The following PLXNC1 variants were observed in gnomAD, a reference collection of about 807,000 sequenced individuals.
PLXNC1 encodes plexin C1.
PLXNC1 carries 75 observed loss-of-function variants against 178.2 expected under a neutral mutation model. That is an observed-to-expected ratio of 0.42 (90% CI 0.35 to 0.51). The LOEUF (loss-of-function observed/expected upper bound fraction) is 0.51. Ranked by LOEUF, PLXNC1 falls within the 20% of genes least tolerant of loss-of-function variation. PLXNC1 has a pLI of 0.02. For missense variants in PLXNC1, 1,503 were observed against 1,984.4 expected, an observed-to-expected ratio of 0.76 and a Z score of 4.61; for synonymous variants, 790 against 779.9, an observed-to-expected ratio of 1.01 and a Z score of -0.22.
intron 4 of PLXNC1, among the ~76,000 whole-genome samples, chr12:94,197,764 C>G (rs773742505): frequency 6.6e-6 from 1 of 152,050 alleles, no homozygotes; most frequent in East Asian, 1.9e-4. Flanking sequence ...GGGCTTAGCT[C>G]TAGCTCCTAA....
At chr12:94,285,419 A>G (rs959741190) in intron 23 of PLXNC1, among the ~76,000 whole-genome samples, 1 of 152,134 alleles carries the variant, frequency 6.6e-6, no homozygotes, top group Non-Finnish European at 1.5e-5. Flanking sequence ...TTGGGTGATG[A>G]CTGAGGTGCT....
At chr12:94,293,128 A>G (rs975863619) in intron 23 of PLXNC1, among the ~76,000 whole-genome samples, 1 of 152,174 alleles carries the variant, frequency 6.6e-6, no homozygotes, top group Non-Finnish European at 1.5e-5. Flanking sequence ...TCTGCTCAAC[A>G]TTATGATTGT....
chr12:94,251,165 G>A (rs1230589420), intron 14 of PLXNC1, among the ~76,000 whole-genome samples: 2 of 152,172 alleles, frequency 1.3e-5, no homozygotes, highest in African/African-American at 2.4e-5. Context: ...AACCCCCAGA[G>A]CAAAGAGGGC....
chr12:94,191,340 G>A (rs17299268), intron 4 of PLXNC1, among the ~76,000 whole-genome samples: 14,465 of 152,274 alleles, frequency 0.095, 850 homozygotes, highest in Middle Eastern at 0.13. Flanking sequence ...GCATCCCACT[G>A]TGTTTATTTT....
At chr12:94,232,182 G>T (rs1964121170) in intron 9 of PLXNC1, among the ~76,000 whole-genome samples, 1 of 152,098 alleles carries the variant, frequency 6.6e-6, no homozygotes, top group African/African-American at 2.4e-5. Context: ...TGCCTCCCCA[G>T]TTCAAGTGAT....
chr12:94,160,276 G>GA (rs924454998), intron 1 of PLXNC1, among the ~76,000 whole-genome samples: 1 of 152,122 alleles, frequency 6.6e-6, no homozygotes, highest in Non-Finnish European at 1.5e-5. Context: ...TCTAGAACTG[G>GA]AAAAAAGGTA....
intron 21 of PLXNC1, among the ~76,000 whole-genome samples, chr12:94,267,389 T>C (rs1162595808): frequency 6.6e-6 from 1 of 152,154 alleles, no homozygotes; most frequent in Non-Finnish European, 1.5e-5. Context: ...AGACCATGTG[T>C]TTCTGATTTG....
chr12:94,229,938 A>C (rs2136034911), intron 9 of PLXNC1, among the ~76,000 whole-genome samples: 1 of 152,382 alleles, frequency 6.6e-6, no homozygotes, highest in East Asian at 1.9e-4. Context: ...AATAATACTT[A>C]ATATCTTTTA....
intron 23 of PLXNC1, among the ~76,000 whole-genome samples, chr12:94,289,201 CTGTT>C (rs913816927): frequency 3.3e-5 from 5 of 152,118 alleles, no homozygotes; most frequent in South Asian, 2.1e-4. Flanking sequence ...TGTGTAGCTC[CTGTT>C]TATTTTGGAA....
At chr12:94,228,026 T>C (rs1266496092) in intron 9 of PLXNC1, among the ~76,000 whole-genome samples, 1 of 152,210 alleles carries the variant, frequency 6.6e-6, no homozygotes, top group Non-Finnish European at 1.5e-5. Flanking sequence ...AAGGGCTCCA[T>C]TTTCCATTTC....
chr12:94,173,015 C>T (rs1334059479), intron 2 of PLXNC1, among the ~76,000 whole-genome samples: 2 of 152,114 alleles, frequency 1.3e-5, no homozygotes, highest in Non-Finnish European at 2.9e-5. Flanking sequence ...TATCGGTGTA[C>T]CGTCCCATGG....
chr12:94,161,455 T>C (rs1961383136), intron 1 of PLXNC1, among the ~76,000 whole-genome samples: 1 of 152,198 alleles, frequency 6.6e-6, no homozygotes, highest in Non-Finnish European at 1.5e-5. Context: ...TGAAACCACA[T>C]ATTTTTTACT....
chr12:94,222,765 A>G (rs910535054), intron 6 of PLXNC1, among the ~76,000 whole-genome samples: 12 of 152,110 alleles, frequency 7.9e-5, no homozygotes, highest in Non-Finnish European at 7.4e-5. Context: ...ACACTTATAG[A>G]TTCCACTGGA....
intron 15 of PLXNC1, among the ~76,000 whole-genome samples, chr12:94,253,441 G>C (rs186581704): frequency 6.6e-6 from 1 of 152,078 alleles, no homozygotes; most frequent in East Asian, 1.9e-4. Context: ...GAGCCTTTGC[G>C]TGCATGAGCC....
At chr12:94,218,979 CAT>C (rs759460533) in intron 5 of PLXNC1, among the ~76,000 whole-genome samples, 9 of 152,120 alleles carry the variant, frequency 5.9e-5, no homozygotes, top group Non-Finnish European at 1.2e-4. Context: ...TGAAAAAAGT[CAT>C]GTGTTTGGAT....
chr12:94,257,917 T>TAA (rs139741394), intron 17 of PLXNC1, among the ~76,000 whole-genome samples: 1 of 132,654 alleles, frequency 7.5e-6, no homozygotes. Context: ...TCAAAAAAAA[T>TAA]AATAAATAAA....
intron 1 of PLXNC1, among the ~76,000 whole-genome samples, chr12:94,151,723 C>G (rs906889250): frequency 3.3e-5 from 5 of 152,184 alleles, no homozygotes; most frequent in African/African-American, 2.4e-5. Flanking sequence ...CAAGCTTTGC[C>G]ATCTGACAGC....
intron 12 of PLXNC1, among the ~76,000 whole-genome samples, chr12:94,245,276 G>A (rs1017388330): frequency 6.6e-6 from 1 of 152,220 alleles, no homozygotes; most frequent in African/African-American, 2.4e-5. Context: ...AAATCAAGTT[G>A]AATTTTTTGA....
intron 20 of PLXNC1, chr12:94,262,512 C>G: frequency 1.0e-6 from 1 of 985,454 alleles, no homozygotes. Context: ...CATTCTGGGT[C>G]AAGACTTCAC....
Sources: gnomAD v4.1 joint callset for allele counts (sites outside exome capture counted in the v4.1 genomes callset) on GRCh38, gnomAD v4.1.1 for gene constraint, MANE v1.5 for transcripts, NCBI Gene and HGNC (gene_info 2026-07-23, HGNC 2026-07-21) for gene names.